LIN9: variants seen among roughly 807,000 people sequenced by gnomAD.
The protein encoded by LIN9 is lin-9 DREAM MuvB core complex component.
Under a neutral mutation model 78.0 loss-of-function variants are expected in LIN9, and 18 were observed. That is an observed-to-expected ratio of 0.23 (90% CI 0.16 to 0.34). LIN9 has a LOEUF of 0.34. Among genes scored for constraint, LIN9 ranks in the 10% least tolerant of loss-of-function variants. The probability of loss-of-function intolerance (pLI) is 1.00; values close to 1 mark genes in which losing one functional copy is unlikely to be tolerated. For missense variants in LIN9, 451 were observed against 644.1 expected (o/e 0.70, Z 3.25); for synonymous variants, 192 against 215.2 (o/e 0.89, Z 0.94).
chr1:226,240,897 C>G (rs2102841046), intron 11 of LIN9, among the ~76,000 whole-genome samples: 1 of 152,270 alleles, frequency 6.6e-6, no homozygotes, highest in Middle Eastern at 3.4e-3. Flanking sequence ...TCACAATAAC[C>G]CCATGAGAAA....
chr1:226,287,945 G>T (rs571076110), intron 4 of LIN9, 148 bp from the exon 5 acceptor site: 38 of 597,520 alleles, frequency 6.4e-5, no homozygotes, highest in Non-Finnish European at 9.6e-5. Context: ...GAATTTTGTT[G>T]CTGTTTTAAA....
chr1:226,290,909 G>A (rs1330453790), intron 4 of LIN9, among the ~76,000 whole-genome samples: 4 of 151,888 alleles, frequency 2.6e-5, no homozygotes, highest in East Asian at 1.9e-4. Context: ...GGCACGTGCC[G>A]CCACACCTGG....
At chr1:226,301,452 G>C (rs748822711) in intron 1 of LIN9, among the ~76,000 whole-genome samples, 4 of 152,198 alleles carry the variant, frequency 2.6e-5, no homozygotes, top group African/African-American at 4.8e-5. Context: ...ACCATTCCAG[G>C]AGAAGAAAGT....
chr1:226,233,079 T>C lies in LIN9; in HGVS notation c.1523+17A>G. 7.0e-7 allele frequency: 1 copy of C among 1,419,710 alleles called. No homozygotes were observed. Among genetic ancestry groups the C allele is most frequent in the Non-Finnish European group, 9.8e-7 (1 of 1,024,004 alleles). 87.9% of individuals were successfully genotyped at this position (1,419,710 alleles called of 1,614,324 possible). On this transcript the variant is annotated intron_variant, in intron 14 of 14. Coordinates refer to ENST00000681046, the MANE Select transcript of LIN9 (RefSeq NM_001366245.2). Reference sequence around the variant, plus strand: ...GAACTTCACATTAAAATGATTAGAGTATACCTAACGAATTACCTGATATTA... The same window carrying C: ...GAACTTCACATTAAAATGATTAGAGCATACCTAACGAATTACCTGATATTA...
intron 10 of LIN9, among the ~76,000 whole-genome samples, chr1:226,258,706 C>G (rs771699314): frequency 1.3e-5 from 2 of 150,730 alleles, no homozygotes; most frequent in Non-Finnish European, 3.0e-5. Flanking sequence ...CTGGCTAACA[C>G]GGTGAAACCC....
At chr1:226,309,429 G>A (rs543096916), upstream of LIN9, 427 of 1,001,976 alleles carry the variant, frequency 4.3e-4, 3 homozygotes, top group African/African-American at 6.5e-3. Flanking sequence ...CCGGAGCGCG[G>A]GGGGAGCAGT....
rs1310882508 is a variant in LIN9 at position 226,309,121 on chromosome 1, A to C, written c.19T>G (p.Leu7Val). 4 of 1,339,966 alleles carry C rather than the reference A, an allele frequency of 3.0e-6. No homozygotes were observed. The highest frequency in any genetic ancestry group is 3.9e-6 in the Non-Finnish European group (4 of 1,033,242). The allele number at this position is 1,339,966 out of a possible 1,614,324, so 83.0% of individuals were successfully genotyped here. A position where few individuals can be genotyped will look rare whatever the true frequency, so the allele number is the denominator to read the frequency against. The change falls in exon 1 of 15, where the codon TTG becomes GTG. Residue 7 changes from leucine to valine, a missense_variant. Transcript: ENST00000681046. MAELDQ[L>V]PDESSSAKAL... ...AGGTGCTACTCACTCTCGTCAGGCAACTGGTCGAGCTCCGCCATCTTGAAC... is the reference window on the plus strand; with the variant it reads ...AGGTGCTACTCACTCTCGTCAGGCACCTGGTCGAGCTCCGCCATCTTGAAC...
At chr1:226,278,410 C>T (rs1306199334) in intron 6 of LIN9, among the ~76,000 whole-genome samples, 2 of 151,654 alleles carry the variant, frequency 1.3e-5, no homozygotes, top group African/African-American at 4.8e-5. Context: ...GCCTGGGCGA[C>T]AAGAGTGAGA....
chr1:226,280,230 T>C (rs768784630), intron 6 of LIN9, among the ~76,000 whole-genome samples: 1 of 152,154 alleles, frequency 6.6e-6, no homozygotes, highest in Non-Finnish European at 1.5e-5. Flanking sequence ...ATGAGCTCTA[T>C]TGTCATTTGT....
chr1:226,249,467 A>T (rs1319724594), intron 11 of LIN9, among the ~76,000 whole-genome samples: 3 of 152,216 alleles, frequency 2.0e-5, no homozygotes, highest in African/African-American at 7.2e-5. Context: ...CTTACGCTGA[A>T]ATCACCTGAC....
chr1:226,298,618 T>G (rs1403580286), intron 2 of LIN9, among the ~76,000 whole-genome samples: 1 of 152,172 alleles, frequency 6.6e-6, no homozygotes, highest in Non-Finnish European at 1.5e-5. Flanking sequence ...TCCAGGACTT[T>G]GGGAGGCCGA....
In LIN9 at chr1:226,272,045, TCTTAA is replaced by T. The variant is rs1161364355; in HGVS notation, c.683-3960_683-3956del. Among the ~76,000 whole-genome samples the T allele has an allele frequency of 3.8e-4, 57 of 150,350 alleles. 1 individual carries two copies. The highest frequency in any genetic ancestry group is 7.5e-4 in the African/African-American group (30 of 40,034). On this transcript the variant is annotated intron_variant, in intron 7 of 14. Transcript: ENST00000681046. ...ACTTTTTTTTAATCCGTTCTCATTA[TCTTAA>T]CTTTTTTTTTTTTTTTTTGAGACAG...
chr1:226,249,948 T>A (rs1658724063), intron 11 of LIN9, among the ~76,000 whole-genome samples: 1 of 152,078 alleles, frequency 6.6e-6, no homozygotes, highest in Non-Finnish European at 1.5e-5. Context: ...GGTGGGTGGA[T>A]CACCTGAGGT....
At chr1:226,243,604 G>C (rs1196282604) in intron 11 of LIN9, among the ~76,000 whole-genome samples, 2 of 147,860 alleles carry the variant, frequency 1.4e-5, no homozygotes, top group East Asian at 4.2e-4. Context: ...GTTGAGGCAG[G>C]AGAATCGCTT....
rs765461064 is a variant in LIN9 at position 226,277,779 on chromosome 1, A to T, written c.678T>A (p.Val226=). The T allele has an allele frequency of 6.2e-7, 1 of 1,612,914 alleles. No individual in the cohort carries two copies. Among genetic ancestry groups the T allele is most frequent in the Non-Finnish European group, 8.5e-7 (1 of 1,179,598 alleles). ...IPLPLVIGTK[V]TARLRGVHDG... ...AATTAGCTTGTTTTCACTTACCTGT[A>T]ACTTTCGTTCCAATAACCAGAGGCA... Residue 226 remains valine (V), a synonymous_variant, in exon 7 of 15, where the codon GTT becomes GTA. Transcript: ENST00000681046.
chr1:226,267,023 G>A lies in LIN9; in HGVS notation c.817-691C>T, dbSNP rs572652394. ...TTGAACTCCTGACATCAGGTGATCC[G>A]CCCATCTCAGCCTCCCAAAGTGCTG... On this transcript the variant is annotated intron_variant, in intron 8 of 14. Transcript: ENST00000681046. 1.2e-3 allele frequency among the ~76,000 whole-genome samples: 185 copies of A among 151,820 alleles called. 1 individual carries two copies. The highest frequency in any genetic ancestry group is 4.1e-3 in the African/African-American group (171 of 41,420).
rs1477567484 is a variant in LIN9 at position 226,232,229 on chromosome 1, T to C, written c.*272A>G. ...TGTATTCTTCCACGAAATTATATTA[T>C]GTTCAGATATTTCAGTTTAAAAATA... On this transcript the variant is annotated 3_prime_UTR_variant, in exon 15 of 15. Transcript: ENST00000681046. The C allele has an allele frequency of 1.2e-5, 5 of 402,358 alleles. No individual in the cohort carries two copies. The highest frequency in any genetic ancestry group is 2.2e-5 in the Non-Finnish European group (5 of 228,378). 24.9% of individuals were successfully genotyped at this position (402,358 alleles called of 1,614,324 possible).
In LIN9 at chr1:226,301,148, T is replaced by C. The variant is rs1463758198; in HGVS notation, c.64+25A>G. On this transcript the variant is annotated intron_variant, in intron 2 of 14. Transcript: ENST00000681046. ...ACAAATTAGACTTTTAGCTATGGTA[T>C]ACCTAAAAATGCTATACTTCTTACC... 4 of 1,566,168 alleles carry C rather than the reference T, an allele frequency of 2.6e-6. No homozygotes were observed. In the African/African-American group the frequency reaches 5.4e-5, roughly 21 times the overall value.
chr1:226,291,216 A>T (rs1661770262), intron 4 of LIN9, among the ~76,000 whole-genome samples: 1 of 152,382 alleles, frequency 6.6e-6, no homozygotes, highest in South Asian at 2.1e-4. Flanking sequence ...ATTATTTGTC[A>T]AAGTAAAAAT....
Sources: gnomAD v4.1 joint callset for allele counts (sites outside exome capture counted in the v4.1 genomes callset) on GRCh38, gnomAD v4.1.1 for gene constraint, MANE v1.5 for transcripts, NCBI Gene and HGNC (gene_info 2026-07-23, HGNC 2026-07-21) for gene names.